MTMR6: variants seen among roughly 807,000 people sequenced by gnomAD.
MTMR6 encodes myotubularin related protein 6.
Under a neutral mutation model 80.1 loss-of-function variants are expected in MTMR6, and 47 were observed. The ratio of observed to expected loss-of-function variants is 0.59; its 90% CI spans 0.46 to 0.75. MTMR6 has a LOEUF of 0.75. MTMR6 is among the 30% of genes least tolerant of loss of function. The pLI is 0.00. For missense variants in MTMR6, 629 were observed against 730.9 expected, an observed-to-expected ratio of 0.86 and a Z score of 1.61; for synonymous variants, 254 against 253.0, an observed-to-expected ratio of 1.00 and a Z score of -0.04.
At chr13:25,270,774 G>T (rs1957554520) in intron 2 of MTMR6, among the ~76,000 whole-genome samples, 1 of 152,048 alleles carries the variant, frequency 6.6e-6, no homozygotes, top group South Asian at 2.1e-4. Context: ...GCCTTCTTGG[G>T]GAAATCAGAA....
At chr13:25,286,746 G>A (rs1263214906) in intron 1 of MTMR6, among the ~76,000 whole-genome samples, 2 of 152,190 alleles carry the variant, frequency 1.3e-5, no homozygotes, top group African/African-American at 4.8e-5. Flanking sequence ...AAAGGGAGGT[G>A]GAGCGGAGTG....
intron 1 of MTMR6, among the ~76,000 whole-genome samples, chr13:25,284,469 T>C (rs1957917784): frequency 6.6e-6 from 1 of 152,168 alleles, no homozygotes; most frequent in Admixed American, 6.5e-5. Flanking sequence ...TAATATTGTA[T>C]AATTGGCTAT....
intron 6 of MTMR6, chr13:25,260,442 T>C: frequency 2.3e-6 from 1 of 436,872 alleles, no homozygotes; most frequent in Non-Finnish European, 3.7e-6. Flanking sequence ...TACAATTTAC[T>C]CAAATTAATC....
intron 2 of MTMR6, among the ~76,000 whole-genome samples, chr13:25,269,984 C>T (rs1308260932): frequency 2.6e-5 from 4 of 152,002 alleles, no homozygotes; most frequent in African/African-American, 9.7e-5. Context: ...ACCCTTTATC[C>T]AAAATGTTTG....
In MTMR6 at chr13:25,274,277, T is replaced by G. The variant is rs1957656293; in HGVS notation, c.25-90A>C. 1.4e-4 allele frequency: 96 copies of G among 701,924 alleles called. No homozygotes were observed. In the South Asian group the frequency reaches 1.9e-3, roughly 14 times the overall value. The allele number at this position is 701,924 out of a possible 1,614,324, so 43.5% of individuals were successfully genotyped here. On this transcript the variant is annotated intron_variant, in intron 1 of 13. Transcript: ENST00000381801. The stretch of plus-strand genomic sequence containing the variant: ...AGGACTTACATGCAACATTCTCAAT[T>G]TTTTCTTCCTCCTAAAATCATAAGA...
At chr13:25,265,729 C>T in intron 5 of MTMR6, 90 bp downstream of exon 5, 2 of 1,332,072 alleles carry the variant, frequency 1.5e-6, no homozygotes, top group Admixed American at 2.2e-5. Flanking sequence ...GAGACCCTAT[C>T]TCAAAAAAAA....
intron 7 of MTMR6, among the ~76,000 whole-genome samples, chr13:25,258,123 C>G (rs902727256): frequency 3.3e-5 from 5 of 152,280 alleles, no homozygotes; most frequent in Non-Finnish European, 7.4e-5. Flanking sequence ...AAATTCTATA[C>G]TATGACTGGA....
rs1452966856 is a variant in MTMR6 at position 25,266,277 on chromosome 13, T to G, written c.314A>C (p.Glu105Ala). Residue 105 changes from glutamate (E) to alanine (A), a missense_variant, in exon 4 of 14, where the codon GAA (glutamate) becomes GCA (alanine). Transcript: ENST00000381801. Reference protein sequence around the residue: ...LLQLSKQAKYEDLYAFSYNPK... With the variant: ...LLQLSKQAKYADLYAFSYNPK... The stretch of plus-strand genomic sequence containing the variant: ...ATTATAAGAAAATGCATAGAGATCT[T>G]CATATTTTGCTACAGAATACAAAAT... 6.2e-7 allele frequency: 1 copy of G among 1,610,462 alleles called. No individual in the cohort carries two copies. Among genetic ancestry groups the G allele is most frequent in the Non-Finnish European group, 8.5e-7 (1 of 1,177,098 alleles).
Position 25,251,177 on chromosome 13 carries a change from C to T in MTMR6, c.1605+472G>A, listed in dbSNP as rs191420840. ...GATTACAGGCATGCGCCACCATGCC[C>T]GGCTACTTTTTTGTTATTTTTTTAG... On this transcript the variant is annotated intron_variant, in intron 13 of 13. Coordinates refer to ENST00000381801, the MANE Select transcript of MTMR6 (RefSeq NM_004685.5). The surrounding 1 kb of genome is among the most constrained non-coding windows in gnomAD (Gnocchi z 4.1). Among the ~76,000 whole-genome samples the T allele has an allele frequency of 4.2e-4, 64 of 152,170 alleles. No individual in the cohort carries two copies. The highest frequency in any genetic ancestry group is 6.6e-4 in the Non-Finnish European group (45 of 67,996).
intron 6 of MTMR6, among the ~76,000 whole-genome samples, chr13:25,261,294 A>ACTCTGTC (rs1957332021): frequency 8.5e-6 from 1 of 118,076 alleles, no homozygotes; most frequent in Non-Finnish European, 1.7e-5. Context: ...ACAGAGTGCA[A>ACTCTGTC]CTCTGTCTTA....
intron 2 of MTMR6, among the ~76,000 whole-genome samples, chr13:25,269,983 C>G (rs912952223): frequency 2.6e-5 from 4 of 152,112 alleles, no homozygotes; most frequent in African/African-American, 9.7e-5. Flanking sequence ...AACCCTTTAT[C>G]CAAAATGTTT....
chr13:25,279,244 A>G (rs978253656), intron 1 of MTMR6, among the ~76,000 whole-genome samples: 1 of 152,148 alleles, frequency 6.6e-6, no homozygotes, highest in Non-Finnish European at 1.5e-5. Context: ...GGTTTCCCCC[A>G]TGCTGTTCTC....
rs939019455 is a variant in MTMR6, at chr13:25,260,611, T to C, written c.726+1057A>G. The C allele has an allele frequency of 1.8e-5, 23 of 1,288,052 alleles. No individual in the cohort carries two copies. In the African/African-American group the frequency reaches 2.6e-4, roughly 14 times the overall value. The allele number at this position is 1,288,052 out of a possible 1,614,324, so 79.8% of individuals were successfully genotyped here. A position where few individuals can be genotyped will look rare whatever the true frequency, so the allele number is the denominator to read the frequency against. On this transcript the variant is annotated intron_variant, in intron 6 of 13. Coordinates refer to ENST00000381801, the MANE Select transcript of MTMR6 (RefSeq NM_004685.5). The stretch of plus-strand genomic sequence containing the variant: ...ATTGCTTTCTCTTATTTTCTCATCA[T>C]TCTGGATTTTTGAAGAAATCCTCAC...
intron 6 of MTMR6, 41 bp from the exon 7 acceptor site, chr13:25,258,733 T>A (rs201796182): frequency 6.4e-4 from 943 of 1,470,180 alleles, no homozygotes; most frequent in Non-Finnish European, 8.1e-4. Context: ...CAAATTACTT[T>A]TTTAATTTAC....
intron 2 of MTMR6, among the ~76,000 whole-genome samples, chr13:25,273,253 C>T (rs968741579): frequency 2.0e-5 from 3 of 152,050 alleles, no homozygotes; most frequent in Admixed American, 1.3e-4. Context: ...GTTATATATG[C>T]ACTTATTCAA....
chr13:25,264,245 G>A (rs1399032019), intron 5 of MTMR6, among the ~76,000 whole-genome samples: 1 of 134,488 alleles, frequency 7.4e-6, no homozygotes, highest in African/African-American at 2.7e-5. Context: ...TGAGGTTGAG[G>A]AAATCTTCCA....
At position 25,257,233 on chromosome 13, in the gene MTMR6, A is replaced by T. The variant is rs1957229654; in HGVS notation, c.1058T>A (p.Leu353Ter). 6.2e-7 allele frequency: 1 copy of T among 1,613,850 alleles called. No individual in the cohort carries two copies. The highest frequency in any genetic ancestry group is 8.5e-7 in the Non-Finnish European group (1 of 1,179,906). Residue 353 changes from leucine (L) to a stop codon, truncating the protein, a stop_gained, in exon 9 of 14, where the codon TTA becomes TAA. Transcript: ENST00000381801. LOFTEE classifies it high-confidence loss of function. ...GATTGTCCTGTAGTAGGAATCCAAT[A>T]AAAGAGAACCCAGGGAACAAACCTG... ...TSQVCSLGSL[L>*]LDSYYRTIKG...
rs535455915 is a variant in MTMR6, at chr13:25,285,400, C to T, written c.24+1824G>A. On this transcript the variant is annotated intron_variant, in intron 1 of 13. Coordinates refer to ENST00000381801, the MANE Select transcript of MTMR6 (RefSeq NM_004685.5). Reference sequence around the variant, plus strand: ...TTTTATTCTTTTCCGCCCCCCCCCCCCCAATTATGTCACCCAGGCTGGAGG... The same window carrying T: ...TTTTATTCTTTTCCGCCCCCCCCCCTCCAATTATGTCACCCAGGCTGGAGG... 5.0e-5 allele frequency among the ~76,000 whole-genome samples: 7 copies of T among 139,320 alleles called. No homozygotes were observed. The East Asian group carries it at 9.5e-4, about 19-fold the overall frequency. 91.4% of individuals were successfully genotyped at this position (139,320 alleles called of 152,430 possible). A position where few individuals can be genotyped will look rare whatever the true frequency, so the allele number is the denominator to read the frequency against.
At chr13:25,269,526 T>C (rs1473294961) in intron 2 of MTMR6, among the ~76,000 whole-genome samples, 3 of 152,120 alleles carry the variant, frequency 2.0e-5, no homozygotes, top group Non-Finnish European at 4.4e-5. Flanking sequence ...GAATAAAAGA[T>C]CATAGGCTCC....
Sources: gnomAD v4.1 joint callset for allele counts (sites outside exome capture counted in the v4.1 genomes callset) on GRCh38, gnomAD v4.1.1 for gene constraint, Gnocchi (gnomAD v3.1) non-coding constraint, MANE v1.5 for transcripts, NCBI Gene and HGNC (gene_info 2026-07-23, HGNC 2026-07-21) for gene names.